IPPK: variants seen among roughly 807,000 people sequenced by gnomAD.
The protein encoded by IPPK is inositol-pentakisphosphate 2-kinase, also known as IPK1 homolog.
In IPPK, 22 loss-of-function variants were observed where a neutral mutation model predicts 64.6. The observed-to-expected ratio is 0.34, with a 90% CI of 0.24 to 0.49. The LOEUF (loss-of-function observed/expected upper bound fraction) is 0.49. Among genes scored for constraint, IPPK ranks in the 20% least tolerant of loss-of-function variants. The pLI, the probability that IPPK is intolerant of heterozygous loss-of-function variation, is 0.99. For missense variants in IPPK, 532 were observed against 630.7 expected, an observed-to-expected ratio of 0.84 and a Z score of 1.68; for synonymous variants, 262 against 247.2, an observed-to-expected ratio of 1.06 and a Z score of -0.56.
intron 1 of IPPK, among the ~76,000 whole-genome samples, chr9:92,663,934 C>T (rs1056349478): frequency 2.0e-5 from 3 of 152,244 alleles, no homozygotes; most frequent in African/African-American, 7.2e-5. Context: ...CTCAGGATGC[C>T]TTCTAGAAGC....
At chr9:92,634,359 A>G (rs2131432578) in intron 11 of IPPK, 27 bp downstream of exon 11, 1 of 1,517,794 alleles carries the variant, frequency 6.6e-7, no homozygotes, top group East Asian at 2.2e-5. Flanking sequence ...AGGATCACAC[A>G]GCAAGTTTTT....
rs914153036 is a variant in IPPK, at chr9:92,614,234, C to T, written c.*1598G>A. On this transcript the variant is annotated 3_prime_UTR_variant, in exon 13 of 13. Coordinates refer to ENST00000287996, the MANE Select transcript of IPPK (RefSeq NM_022755.6). ...GCACTTGAACCCAGGACCCAGCATC[C>T]TCCACACACCGTGACAATGGGCAAA... 1.6e-4 allele frequency: 25 copies of T among 153,038 alleles called. No individual in the cohort carries two copies. Among genetic ancestry groups the T allele is most frequent in the African/African-American group, 6.0e-4 (25 of 41,474 alleles). The allele number at this position is 153,038 out of a possible 1,614,324, so 9.5% of individuals were successfully genotyped here.
intron 2 of IPPK, among the ~76,000 whole-genome samples, chr9:92,658,194 C>A (rs1852411085): frequency 6.6e-6 from 1 of 152,202 alleles, no homozygotes; most frequent in African/African-American, 2.4e-5. Flanking sequence ...TTGGATGACT[C>A]AGAGAAGAGA....
rs188097201 is a variant in IPPK, at chr9:92,637,910, G to A, written c.916+91C>T. 26 of 1,350,594 alleles carry A rather than the reference G, an allele frequency of 1.9e-5. No individual in the cohort carries two copies. In the Admixed American group the frequency reaches 2.6e-4, roughly 14 times the overall value. 83.7% of individuals were successfully genotyped at this position (1,350,594 alleles called of 1,614,324 possible). ...TGGCATCCCCCAGAGCCCCCAGGAG[G>A]CTGTGCTGACCGCCTGGCCACCCAT... On this transcript the variant is annotated intron_variant, in intron 9 of 12. Transcript: ENST00000287996.
chr9:92,649,111 GC>G (rs1401172123), intron 5 of IPPK, among the ~76,000 whole-genome samples: 1 of 152,212 alleles, frequency 6.6e-6, no homozygotes, highest in Non-Finnish European at 1.5e-5. Flanking sequence ...GAGGACCCTG[GC>G]AAGCTGTGCC....
In IPPK at chr9:92,615,202, A is replaced by G. The variant is rs1851395837; in HGVS notation, c.*630T>C. The G allele has an allele frequency of 6.6e-6, 1 of 152,348 alleles. No individual in the cohort carries two copies. 9.4% of individuals were successfully genotyped at this position (152,348 alleles called of 1,614,324 possible). A position where few individuals can be genotyped will look rare whatever the true frequency, so the allele number is the denominator to read the frequency against. On this transcript the variant is annotated 3_prime_UTR_variant, in exon 13 of 13. Transcript: ENST00000287996. ...CATGAGTGGTGTCCATCCTGACCTGAGCCTTGCGCTCCCTGCTGCCCTGTG... is the reference window on the plus strand; with the variant it reads ...CATGAGTGGTGTCCATCCTGACCTGGGCCTTGCGCTCCCTGCTGCCCTGTG...
At chr9:92,637,017 C>A (rs1276518256) in intron 9 of IPPK, among the ~76,000 whole-genome samples, 3 of 151,906 alleles carry the variant, frequency 2.0e-5, no homozygotes, top group Non-Finnish European at 4.4e-5. Context: ...AAAAAAAAAC[C>A]CCCACAAAGT....
chr9:92,642,502 T>A (rs1026589078), intron 7 of IPPK, among the ~76,000 whole-genome samples: 9 of 152,134 alleles, frequency 5.9e-5, no homozygotes, highest in Non-Finnish European at 1.3e-4. Context: ...AGAAGACAAA[T>A]CTAGTCACAA....
intron 9 of IPPK, among the ~76,000 whole-genome samples, chr9:92,636,912 C>G (rs1310727554): frequency 6.6e-6 from 1 of 152,032 alleles, no homozygotes; most frequent in Non-Finnish European, 1.5e-5. Context: ...GTTGCAGACA[C>G]AGTTGGCTTC....
At chr9:92,637,825 G>A (rs539126775) in intron 9 of IPPK, among the ~76,000 whole-genome samples, 176 bp downstream of exon 9, 1 of 152,348 alleles carries the variant, frequency 6.6e-6, no homozygotes, top group African/African-American at 2.4e-5. Context: ...AAGAAAGGGA[G>A]TCTGCATCTG....
intron 1 of IPPK, among the ~76,000 whole-genome samples, chr9:92,669,574 C>T (rs1852680920): frequency 6.6e-6 from 1 of 152,110 alleles, no homozygotes; most frequent in Non-Finnish European, 1.5e-5. Flanking sequence ...GGCGGCACCG[C>T]GTGAGGCTGA....
intron 3 of IPPK, among the ~76,000 whole-genome samples, chr9:92,654,895 C>A (rs1852340003): frequency 6.6e-6 from 1 of 152,394 alleles, no homozygotes; most frequent in African/African-American, 2.4e-5. Context: ...GGAGCTGAGG[C>A]TGGCGCCAGA....
chr9:92,619,098 G>A (rs1851540173), intron 12 of IPPK: 2 of 226,768 alleles, frequency 8.8e-6, no homozygotes, highest in Non-Finnish European at 1.8e-5. Flanking sequence ...AGGCAGGTGC[G>A]CCATGCTGCC....
chr9:92,615,940 G>C lies in IPPK; in HGVS notation c.1368C>G (p.Gly456=). The C allele has an allele frequency of 6.2e-7, 1 of 1,614,136 alleles. No homozygotes were observed. Among genetic ancestry groups the C allele is most frequent in the Non-Finnish European group, 8.5e-7 (1 of 1,179,982 alleles). The change falls in exon 13 of 13, where the codon GGC becomes GGG. Residue 456 remains glycine, a synonymous_variant. Transcript: ENST00000287996. ...TCTTTGAATAATAGTTGACGATCTT[G>C]CCGTCCAGTTTATACTGATGGGGAA... ...ESIPHQYKLD[G]KIVNYYSKTV... is the part of the protein sequence containing the mutation.
intron 6 of IPPK, among the ~76,000 whole-genome samples, chr9:92,647,468 C>T (rs146679697): frequency 1.3e-5 from 2 of 152,228 alleles, no homozygotes; most frequent in Non-Finnish European, 2.9e-5. Flanking sequence ...GAAAACTACA[C>T]ACCAACATCC....
chr9:92,632,739 G>C (rs1461455498), intron 11 of IPPK, among the ~76,000 whole-genome samples: 2 of 152,174 alleles, frequency 1.3e-5, no homozygotes, highest in Non-Finnish European at 2.9e-5. Flanking sequence ...CTTTGCGTCA[G>C]AGCCTCACCT....
At chr9:92,650,737 G>A (rs1852250272) in intron 4 of IPPK, among the ~76,000 whole-genome samples, 1 of 152,146 alleles carries the variant, frequency 6.6e-6, no homozygotes, top group African/African-American at 2.4e-5. Flanking sequence ...CTTGGGGATG[G>A]TCCCCTAATT....
intron 1 of IPPK, among the ~76,000 whole-genome samples, chr9:92,659,744 G>C (rs1852443618): frequency 6.6e-6 from 1 of 152,080 alleles, no homozygotes. Flanking sequence ...AGCAACAAAG[G>C]CCCTATGGAG....
chr9:92,662,523 CAA>C (rs368530793), intron 1 of IPPK, among the ~76,000 whole-genome samples: 2 of 127,464 alleles, frequency 1.6e-5, no homozygotes, highest in Non-Finnish European at 3.4e-5. Flanking sequence ...AACTCCGTCT[CAA>C]AAAAAAAAAA....
Sources: gnomAD v4.1 joint callset for allele counts (sites outside exome capture counted in the v4.1 genomes callset) on GRCh38, gnomAD v4.1.1 for gene constraint, MANE v1.5 for transcripts, NCBI Gene and HGNC (gene_info 2026-07-23, HGNC 2026-07-21) for gene names.